Variants in SND1 observed in about 807,000 individuals in gnomAD.
SND1 encodes staphylococcal nuclease domain-containing protein 1.
Under a neutral mutation model 121.7 loss-of-function variants are expected in SND1, and 38 were observed. The observed-to-expected ratio is 0.31, with a 90% CI of 0.24 to 0.41. The LOEUF is 0.41. SND1 is among the 10% of genes least tolerant of loss of function. The pLI is 1.00. For synonymous variants in SND1, 401 were observed against 447.4 expected, an observed-to-expected ratio of 0.90 and a Z score of 1.31; for missense variants, 868 against 1,184.6, an observed-to-expected ratio of 0.73 and a Z score of 3.92.
intron 10 of SND1, among the ~76,000 whole-genome samples, chr7:127,732,175 G>GT (rs1796690300): frequency 6.6e-6 from 1 of 152,188 alleles, no homozygotes; most frequent in South Asian, 2.1e-4. Context: ...TTGCTTTTGC[G>GT]TTTTGACTTG....
rs115545604 is a variant in SND1 at position 127,796,371 on chromosome 7, G to A, written c.1153-11113G>A. Among the ~76,000 whole-genome samples the A allele has an allele frequency of 9.3e-3, 1,413 of 152,138 alleles. 25 individuals carry two copies. Among genetic ancestry groups the A allele is most frequent in the African/African-American group, 0.032 (1,341 of 41,490 alleles). On this transcript the variant is annotated intron_variant, in intron 10 of 23. Coordinates refer to ENST00000354725, the MANE Select transcript of SND1 (RefSeq NM_014390.4). ...CATAATCACAAGAAATAGAGTTTTA[G>A]TTGTCAAAAATAAATTTTTTAGATA...
At chr7:127,662,665 T>C (rs2116238201) in intron 1 of SND1, among the ~76,000 whole-genome samples, 1 of 152,202 alleles carries the variant, frequency 6.6e-6, no homozygotes, top group South Asian at 2.1e-4. Context: ...ACTCAATAGT[T>C]TTTTTGTTTG....
intron 14 of SND1, among the ~76,000 whole-genome samples, chr7:127,910,033 C>T (rs908226784): frequency 1.3e-5 from 2 of 152,210 alleles, no homozygotes; most frequent in African/African-American, 2.4e-5. Flanking sequence ...TTTAATAGCA[C>T]TGTCATCCTT....
chr7:128,046,826 C>T (rs1430569112), intron 16 of SND1, among the ~76,000 whole-genome samples: 1 of 152,064 alleles, frequency 6.6e-6, no homozygotes, highest in Non-Finnish European at 1.5e-5. Context: ...AGCAGCAAAT[C>T]AAAGTAAAAC....
intron 14 of SND1, among the ~76,000 whole-genome samples, chr7:127,925,006 C>A (rs1350625514): frequency 6.6e-6 from 1 of 152,144 alleles, no homozygotes; most frequent in Non-Finnish European, 1.5e-5. Flanking sequence ...GAACCCTGTT[C>A]CTCTAAGTTT....
chr7:127,824,481 G>C (rs922509405), intron 11 of SND1, among the ~76,000 whole-genome samples: 2 of 152,272 alleles, frequency 1.3e-5, no homozygotes, highest in Admixed American at 1.3e-4. Context: ...CCTGATTCTT[G>C]ATAAGTTGTT....
intron 15 of SND1, among the ~76,000 whole-genome samples, chr7:127,979,357 C>T (rs1025400982): frequency 2.0e-5 from 3 of 152,260 alleles, no homozygotes; most frequent in East Asian, 3.9e-4. Flanking sequence ...CACACTTGAA[C>T]GAGGGAGGGG....
rs116188931 is a variant in SND1 at position 127,813,953 on chromosome 7, G to A, written c.1242+6380G>A. Among the ~76,000 whole-genome samples the A allele has an allele frequency of 6.3e-3, 958 of 152,308 alleles. 11 individuals carry two copies. The highest frequency in any genetic ancestry group is 0.022 in the African/African-American group (908 of 41,574). The stretch of plus-strand genomic sequence containing the variant: ...TGAAGAAGCTAGAGTTTTCAACTGC[G>A]TTCCTGGAAATTTCTTCCGTATGCT... On this transcript the variant is annotated intron_variant, in intron 11 of 23. Coordinates refer to ENST00000354725, the MANE Select transcript of SND1 (RefSeq NM_014390.4).
chr7:127,691,604 AT>A (rs1453706104), intron 2 of SND1, among the ~76,000 whole-genome samples: 1 of 151,638 alleles, frequency 6.6e-6, no homozygotes, highest in Non-Finnish European at 1.5e-5. Flanking sequence ...AAAAATAAAT[AT>A]TTTGCTGTTT....
rs114848797 is a variant in SND1, at chr7:127,885,870, G to A, written c.1344-2032G>A. 7.9e-3 allele frequency among the ~76,000 whole-genome samples: 1,195 copies of A among 152,150 alleles called. 18 individuals carry two copies. Among genetic ancestry groups the A allele is most frequent in the African/African-American group, 0.027 (1,111 of 41,526 alleles). On this transcript the variant is annotated intron_variant, in intron 12 of 23. Coordinates refer to ENST00000354725, the MANE Select transcript of SND1 (RefSeq NM_014390.4). Reference sequence around the variant, plus strand: ...TTTTCTTGGCATTTAAAACAGCCAGGACATCTCAAACTATCAAAAGTGGAG... The same window carrying A: ...TTTTCTTGGCATTTAAAACAGCCAGAACATCTCAAACTATCAAAAGTGGAG...
intron 11 of SND1, among the ~76,000 whole-genome samples, chr7:127,831,795 T>C (rs1798746208): frequency 6.6e-6 from 1 of 152,218 alleles, no homozygotes; most frequent in Non-Finnish European, 1.5e-5. Context: ...TAGCTCACCG[T>C]ATTGTTTCTC....
chr7:127,682,897 A>G (rs749187700), intron 1 of SND1, among the ~76,000 whole-genome samples: 3 of 152,250 alleles, frequency 2.0e-5, no homozygotes, highest in Non-Finnish European at 4.4e-5. Flanking sequence ...GAATAAAATT[A>G]TAACAATAAT....
chr7:127,715,016 A>G (rs572561272), intron 9 of SND1, among the ~76,000 whole-genome samples: 46 of 152,340 alleles, frequency 3.0e-4, no homozygotes, highest in African/African-American at 9.6e-4. Context: ...TTTGTACCCA[A>G]AAATGGAATT....
At chr7:127,874,864 G>T (rs930417781) in intron 12 of SND1, among the ~76,000 whole-genome samples, 11 of 152,034 alleles carry the variant, frequency 7.2e-5, no homozygotes, top group African/African-American at 2.7e-4. Flanking sequence ...TATGTGGATA[G>T]ATTATTTTTA....
At chr7:127,980,281 T>A (rs1303132971) in intron 15 of SND1, among the ~76,000 whole-genome samples, 1 of 55,554 alleles carries the variant, frequency 1.8e-5, no homozygotes, top group Non-Finnish European at 3.0e-5. Flanking sequence ...CCCGGCTAAT[T>A]TTTTTTTTTT....
Position 128,092,133 on chromosome 7 carries a change from C to T in SND1, c.*75C>T. On this transcript the variant is annotated 3_prime_UTR_variant, in exon 24 of 24. Transcript: ENST00000354725. The surrounding 1 kb of genome is among the most constrained non-coding windows in gnomAD (Gnocchi z 4.9). ...CTCTGCCGGGAGGGTGTTTTCAACT[C>T]CAAACCCCAGAGAGGGGTTGTAGAT... The T allele has an allele frequency of 6.8e-7, 1 of 1,469,772 alleles. No individual in the cohort carries two copies. The highest frequency in any genetic ancestry group is 2.3e-5 in the East Asian group (1 of 43,930). 91.0% of individuals were successfully genotyped at this position (1,469,772 alleles called of 1,614,324 possible). A position where few individuals can be genotyped will look rare whatever the true frequency, so the allele number is the denominator to read the frequency against.
intron 16 of SND1, chr7:127,999,005 CAT>C (rs1468914870): frequency 6.6e-6 from 1 of 152,246 alleles, no homozygotes; most frequent in East Asian, 1.9e-4. Context: ...CATAGAATTG[CAT>C]CCATTCTTCT....
At chr7:127,814,185 G>T (rs1259990756) in intron 11 of SND1, among the ~76,000 whole-genome samples, 1 of 152,240 alleles carries the variant, frequency 6.6e-6, no homozygotes, top group East Asian at 1.9e-4. Context: ...CTTTTCAGCT[G>T]GGTTTCTGAA....
chr7:127,869,140 G>T (rs1799530925), intron 12 of SND1, among the ~76,000 whole-genome samples: 1 of 152,190 alleles, frequency 6.6e-6, no homozygotes, highest in Non-Finnish European at 1.5e-5. Flanking sequence ...GGAAGAGTCA[G>T]GGAGGCCTCA....
Sources: gnomAD v4.1 joint callset for allele counts (sites outside exome capture counted in the v4.1 genomes callset) on GRCh38, gnomAD v4.1.1 for gene constraint, Gnocchi (gnomAD v3.1) non-coding constraint, MANE v1.5 for transcripts, NCBI Gene and HGNC (gene_info 2026-07-23, HGNC 2026-07-21) for gene names.